AGAP1: variants seen among roughly 807,000 people sequenced by gnomAD.
AGAP1 encodes arf-GAP with GTPase, ANK repeat and PH domain-containing protein 1.
AGAP1 carries 29 observed loss-of-function variants against 105.3 expected under a neutral mutation model. That is an observed-to-expected ratio of 0.28 (90% CI 0.21 to 0.38). The LOEUF (loss-of-function observed/expected upper bound fraction) is 0.38. Ranked by LOEUF, AGAP1 falls within the 10% of genes least tolerant of loss-of-function variation. AGAP1 has a pLI of 1.00. For missense variants in AGAP1, 998 were observed against 1,165.1 expected, an observed-to-expected ratio of 0.86 and a Z score of 2.09; for synonymous variants, 509 against 485.9, an observed-to-expected ratio of 1.05 and a Z score of -0.63.
intron 1 of AGAP1, among the ~76,000 whole-genome samples, chr2:235,522,523 T>A (rs1452859369): frequency 6.6e-6 from 1 of 152,064 alleles, no homozygotes; most frequent in East Asian, 1.9e-4. Context: ...GAAGCCAAGC[T>A]GGGGAGGGAA....
intron 1 of AGAP1, among the ~76,000 whole-genome samples, chr2:235,686,638 T>TAG (rs1949432776): frequency 2.0e-5 from 1 of 49,376 alleles, no homozygotes; most frequent in South Asian, 6.7e-4. Context: ...TATATATATA[T>TAG]ATATATAGAT....
intron 1 of AGAP1, among the ~76,000 whole-genome samples, chr2:235,594,461 CT>C (rs978304249): frequency 1.3e-5 from 2 of 152,132 alleles, no homozygotes; most frequent in Admixed American, 1.3e-4. Context: ...TTTCTTTCTT[CT>C]GTCCTTCCTT....
rs1214565856 is a variant in AGAP1, at chr2:235,793,477, G to A, written c.674-4282G>A. Among the ~76,000 whole-genome samples, 1 of 152,214 alleles carries A rather than the reference G, an allele frequency of 6.6e-6. No individual in the cohort carries two copies. The highest frequency in any genetic ancestry group is 1.5e-5 in the Non-Finnish European group (1 of 68,036). On this transcript the variant is annotated intron_variant, in intron 6 of 17. Transcript: ENST00000304032. The surrounding 1 kb of genome is among the most constrained non-coding windows in gnomAD (Gnocchi z 5.3). Reference sequence around the variant, plus strand: ...AACCAGGACAGTCTGTTGGGGTGCTGGCAGGGTGTTCGATTGCCACATGGT... The same window carrying A: ...AACCAGGACAGTCTGTTGGGGTGCTAGCAGGGTGTTCGATTGCCACATGGT...
chr2:235,928,244 C>T (rs2052548144), intron 11 of AGAP1, among the ~76,000 whole-genome samples: 1 of 152,188 alleles, frequency 6.6e-6, no homozygotes, highest in South Asian at 2.1e-4. Flanking sequence ...CGGAACCAGG[C>T]CAGGGAAGCC....
rs868647721 is a variant in AGAP1, at chr2:235,893,858, G to C, written c.1155+10409G>C. ...TTGCTCCTGAACTTCCTGGACTCCA[G>C]CCCTCAACATTGACAATCCTGGCTG... On this transcript the variant is annotated intron_variant, in intron 10 of 17. Transcript: ENST00000304032. The surrounding 1 kb of genome is among the most constrained non-coding windows in gnomAD (Gnocchi z 4.7). 3.3e-5 allele frequency among the ~76,000 whole-genome samples: 5 copies of C among 152,090 alleles called. No individual in the cohort carries two copies. The highest frequency in any genetic ancestry group is 2.6e-4 in the Admixed American group (4 of 15,270).
At position 235,549,381 on chromosome 2, in the gene AGAP1, G is replaced by A. The variant is rs980666408; in HGVS notation, c.163+54532G>A. Among the ~76,000 whole-genome samples the A allele has an allele frequency of 6.6e-6, 1 of 152,116 alleles. No individual in the cohort carries two copies. The highest frequency in any genetic ancestry group is 2.4e-5 in the African/African-American group (1 of 41,430). On this transcript the variant is annotated intron_variant, in intron 1 of 17. Transcript: ENST00000304032. This position sits in a 1 kb window ranked among gnomAD's most constrained non-coding sequence, Gnocchi z 4.2. ...TTGCAGACTGCTTAAGCCTCCTCCT[G>A]TCAGAGGACCCCAGAGAGCTCCCCC...
chr2:235,803,747 T>G (rs1269545019), intron 8 of AGAP1, among the ~76,000 whole-genome samples: 2 of 152,256 alleles, frequency 1.3e-5, no homozygotes, highest in African/African-American at 4.8e-5. Flanking sequence ...AATAAATGAC[T>G]TTTTTATAAA....
At position 236,036,716 on chromosome 2, in the gene AGAP1, G is replaced by T; in HGVS notation, c.1800+1G>T. 6.2e-7 allele frequency: 1 copy of T among 1,614,186 alleles called. No individual in the cohort carries two copies. Among genetic ancestry groups the T allele is most frequent in the Non-Finnish European group, 8.5e-7 (1 of 1,180,020 alleles). Reference sequence around the variant, plus strand: ...GTCGTGCGAGAGCAGCAAGAACAAGGTGAGGCCCCTGGCTGCCCAAAACCA... The same window carrying T: ...GTCGTGCGAGAGCAGCAAGAACAAGTTGAGGCCCCTGGCTGCCCAAAACCA... On this transcript the variant is annotated splice_donor_variant, in intron 14 of 17. Transcript: ENST00000304032. LOFTEE classifies it high-confidence loss of function. The surrounding 1 kb of genome is among the most constrained non-coding windows in gnomAD (Gnocchi z 5.7).
rs1574827866 is a variant in AGAP1, at chr2:235,549,910, G to A, written c.163+55061G>A. On this transcript the variant is annotated intron_variant, in intron 1 of 17. Transcript: ENST00000304032. The surrounding 1 kb of genome is among the most constrained non-coding windows in gnomAD (Gnocchi z 4.2). ...GCAGGTGGAGGGTGATGAGAGGCTG[G>A]GGACGTTTTCGGATGACCACAGGTG... 6.6e-6 allele frequency among the ~76,000 whole-genome samples: 1 copy of A among 152,292 alleles called. No individual in the cohort carries two copies. Among genetic ancestry groups the A allele is most frequent in the East Asian group, 1.9e-4 (1 of 5,168 alleles).
rs961987773 is a variant in AGAP1 at position 235,690,870 on chromosome 2, T to C, written c.164-18309T>C. On this transcript the variant is annotated intron_variant, in intron 1 of 17. Transcript: ENST00000304032. The surrounding 1 kb of genome is among the most constrained non-coding windows in gnomAD (Gnocchi z 4.1). ...TCGAGAAGTCAAAATCAATGTTTTA[T>C]TTTCAGAGTTCTAAATCCAGCCATA... Among the ~76,000 whole-genome samples, 1 of 152,226 alleles carries C rather than the reference T, an allele frequency of 6.6e-6. No individual in the cohort carries two copies. Among genetic ancestry groups the C allele is most frequent in the African/African-American group, 2.4e-5 (1 of 41,458 alleles).
intron 1 of AGAP1, among the ~76,000 whole-genome samples, chr2:235,508,040 T>TAG (rs1209602169): frequency 6.6e-6 from 1 of 152,210 alleles, no homozygotes; most frequent in Non-Finnish European, 1.5e-5. Context: ...GATATTTGGT[T>TAG]TTCTGTTCCT....
At chr2:235,899,372 G>A (rs1202019151) in intron 10 of AGAP1, among the ~76,000 whole-genome samples, 1 of 152,174 alleles carries the variant, frequency 6.6e-6, no homozygotes, top group Non-Finnish European at 1.5e-5. Context: ...AATTAGCCAG[G>A]CATGGTTGCA....
intron 1 of AGAP1, among the ~76,000 whole-genome samples, chr2:235,618,930 G>A (rs1326336350): frequency 6.6e-6 from 1 of 152,088 alleles, no homozygotes; most frequent in Non-Finnish European, 1.5e-5. Context: ...TAATCACAGG[G>A]GTCTCTATAA....
intron 13 of AGAP1, among the ~76,000 whole-genome samples, chr2:235,987,107 T>TGTTA (rs1434388126): frequency 9.3e-5 from 10 of 107,370 alleles, no homozygotes; most frequent in East Asian, 2.4e-4. Flanking sequence ...GGCTTTTTAT[T>TGTTA]GTTATTTATT....
rs1214575673 is a variant in AGAP1, at chr2:235,741,562, A to G, written c.396+514A>G. 6.6e-6 allele frequency among the ~76,000 whole-genome samples: 1 copy of G among 152,166 alleles called. No individual in the cohort carries two copies. The highest frequency in any genetic ancestry group is 1.5e-5 in the Non-Finnish European group (1 of 68,022). Reference sequence around the variant, plus strand: ...GAAAGCCGGTATGAAGCATATTATGATTTCTTTGGAAGTTCCTGGAAAGAT... The same window carrying G: ...GAAAGCCGGTATGAAGCATATTATGGTTTCTTTGGAAGTTCCTGGAAAGAT... On this transcript the variant is annotated intron_variant, in intron 4 of 17. Transcript: ENST00000304032. This position sits in a 1 kb window ranked among gnomAD's most constrained non-coding sequence, Gnocchi z 4.9.
chr2:235,668,684 C>G (rs1419814294), intron 1 of AGAP1, among the ~76,000 whole-genome samples: 1 of 152,192 alleles, frequency 6.6e-6, no homozygotes, highest in Non-Finnish European at 1.5e-5. Flanking sequence ...ACATCCTAGA[C>G]CAGTATCTAT....
chr2:236,107,779 G>A lies in AGAP1; in HGVS notation c.2115-12413G>A, dbSNP rs562640282. Among the ~76,000 whole-genome samples the A allele has an allele frequency of 4.9e-4, 75 of 152,288 alleles. 1 individual carries two copies. The South Asian group carries it at 0.015, about 30-fold the overall frequency. The stretch of plus-strand genomic sequence containing the variant: ...CCCGGGCACATCCTCGCTCTCCTGG[G>A]CCGCCTGGGGCCTGCACCTGCCGGG... On this transcript the variant is annotated intron_variant, in intron 16 of 17. Coordinates refer to ENST00000304032, the MANE Select transcript of AGAP1 (RefSeq NM_001037131.3).
chr2:235,915,323 C>A (rs533501842), intron 11 of AGAP1, among the ~76,000 whole-genome samples: 1 of 152,178 alleles, frequency 6.6e-6, no homozygotes, highest in East Asian at 1.9e-4. Context: ...TAACTCCTAT[C>A]AACAGAAGGA....
rs888945782 is a variant in AGAP1 at position 235,612,639 on chromosome 2, G to T, written c.164-96540G>T. Among the ~76,000 whole-genome samples, 3 of 152,222 alleles carry T rather than the reference G, an allele frequency of 2.0e-5. No homozygotes were observed. The highest frequency in any genetic ancestry group is 4.4e-5 in the Non-Finnish European group (3 of 68,048). ...GAAACTCATGTTAAGAACAGTTGTG[G>T]TTCACGTGTACCAAACTTGGGAAAT... On this transcript the variant is annotated intron_variant, in intron 1 of 17. Coordinates refer to ENST00000304032, the MANE Select transcript of AGAP1 (RefSeq NM_001037131.3). This position sits in a 1 kb window ranked among gnomAD's most constrained non-coding sequence, Gnocchi z 4.3.
Sources: gnomAD v4.1 joint callset for allele counts (sites outside exome capture counted in the v4.1 genomes callset) on GRCh38, gnomAD v4.1.1 for gene constraint, Gnocchi (gnomAD v3.1) non-coding constraint, MANE v1.5 for transcripts, NCBI Gene and HGNC (gene_info 2026-07-23, HGNC 2026-07-21) for gene names.